Variants in ASTN1 observed in about 807,000 individuals in gnomAD.
ASTN1 encodes the protein astrotactin-1.
ASTN1 carries 41 observed loss-of-function variants against 140.7 expected under a neutral mutation model. That is an observed-to-expected ratio of 0.29 (90% confidence interval 0.23 to 0.38). The LOEUF (loss-of-function observed/expected upper bound fraction) is 0.38. Ranked by LOEUF, ASTN1 falls within the 10% of genes least tolerant of loss-of-function variation. The probability of loss-of-function intolerance (pLI) is 1.00; values close to 1 mark genes in which losing one functional copy is unlikely to be tolerated. For missense variants in ASTN1, 1,479 were observed against 1,678.8 expected (o/e 0.88, Z 2.08); for synonymous variants, 640 against 652.2 (o/e 0.98, Z 0.29).
At chr1:176,895,157 A>C (rs1364349011) in intron 16 of ASTN1, among the ~76,000 whole-genome samples, 1 of 152,224 alleles carries the variant, frequency 6.6e-6, no homozygotes, top group Non-Finnish European at 1.5e-5. Flanking sequence ...CTATGACTCA[A>C]TTTCTTCATC....
intron 8 of ASTN1, among the ~76,000 whole-genome samples, chr1:176,975,259 G>A (rs1463525922): frequency 6.6e-6 from 1 of 152,202 alleles, no homozygotes; most frequent in Non-Finnish European, 1.5e-5. Context: ...CAGCTACTTA[G>A]AGAACTCTAC....
rs201593312 is a variant in ASTN1 at position 176,884,386 on chromosome 1, C to T, written c.3179G>A (p.Arg1060His). The change falls in exon 19 of 23, where the codon CGT becomes CAT. Residue 1060 changes from arginine (R) to histidine (H), a missense_variant. By Grantham distance (29) the Arg-to-His change is conservative. Transcript: ENST00000361833. ...CATCCTGTCAGTGACTTTCTCTTGA[C>T]GGAGGAGGTAATCTACAATCTGCAC... ...IGVQIVDYLLRQEKVTDRMDH... is the reference protein window; with the variant it reads ...IGVQIVDYLLHQEKVTDRMDH... 3.6e-5 allele frequency: 58 copies of T among 1,614,064 alleles called. No individual in the cohort carries two copies. The highest frequency in any genetic ancestry group is 1.6e-4 in the Middle Eastern group (1 of 6,084).
At chr1:176,929,407 G>A (rs1024843136) in intron 16 of ASTN1, among the ~76,000 whole-genome samples, 13 of 152,166 alleles carry the variant, frequency 8.5e-5, no homozygotes, top group African/African-American at 1.9e-4. Context: ...GGAAGAGGCC[G>A]CTTGCTAAGG....
intron 19 of ASTN1, 68 bp downstream of exon 19, chr1:176,884,271 G>A: frequency 1.3e-6 from 2 of 1,548,658 alleles, no homozygotes; most frequent in Non-Finnish European, 8.8e-7. Context: ...CATGAGGCAG[G>A]GCATTTTTCT....
intron 2 of ASTN1, among the ~76,000 whole-genome samples, chr1:177,052,839 C>A (rs1284870132): frequency 6.6e-6 from 1 of 152,148 alleles, no homozygotes; most frequent in Admixed American, 6.5e-5. Flanking sequence ...GAGAAACTGT[C>A]CAACTCTAAT....
rs146987881 is a variant in ASTN1 at position 176,983,134 on chromosome 1, A to G, written c.1524-17897T>C. Among the ~76,000 whole-genome samples, 845 of 152,256 alleles carry G rather than the reference A, an allele frequency of 5.5e-3. 2 individuals are homozygous for G. Among genetic ancestry groups the G allele is most frequent in the Non-Finnish European group, 8.1e-3 (551 of 68,014 alleles). On this transcript the variant is annotated intron_variant, in intron 8 of 22. Transcript: ENST00000361833. ...AGTCCAGGAAGGGGAGAGCTGAAGA[A>G]TGTGTGAGAACATGGTTTGTTTGGA...
chr1:177,136,511 G>A (rs766677329), intron 1 of ASTN1, among the ~76,000 whole-genome samples: 15 of 151,884 alleles, frequency 9.9e-5, no homozygotes, highest in African/African-American at 1.4e-4. Context: ...CCCCACAACC[G>A]CCCAGTTAAT....
chr1:176,911,191 G>A (rs949573620), intron 16 of ASTN1, among the ~76,000 whole-genome samples: 1 of 152,164 alleles, frequency 6.6e-6, no homozygotes, highest in Non-Finnish European at 1.5e-5. Flanking sequence ...CACCTGTAAA[G>A]GGCACTTACC....
chr1:176,946,805 A>G (rs1671978288), intron 12 of ASTN1, among the ~76,000 whole-genome samples: 1 of 152,220 alleles, frequency 6.6e-6, no homozygotes, highest in Admixed American at 6.5e-5. Flanking sequence ...TAGGATGGAA[A>G]AGCAACATCA....
At chr1:177,106,365 A>G (rs1680544050) in intron 1 of ASTN1, among the ~76,000 whole-genome samples, 1 of 152,276 alleles carries the variant, frequency 6.6e-6, no homozygotes, top group Non-Finnish European at 1.5e-5. Context: ...TAGCCTATGA[A>G]TGCAATGTCC....
At position 176,868,899 on chromosome 1, in the gene ASTN1, G is replaced by A; in HGVS notation, c.3592C>T (p.His1198Tyr). 6.2e-7 allele frequency: 1 copy of A among 1,610,994 alleles called. No homozygotes were observed. Among genetic ancestry groups the A allele is most frequent in the Non-Finnish European group, 8.5e-7 (1 of 1,178,002 alleles). ...GTGAATTCCCCAAAACTCTCATAGT[G>A]CTGGTTATAGTGGTAGAGGACCCGG... ...LHRVLYHYNQ[H>Y]YESFGEFTWR... The change falls in exon 22 of 23, where the codon CAC (histidine) becomes TAC (tyrosine). Residue 1198 changes from histidine (H) to tyrosine (Y), a missense_variant. Around this residue, in one of 3 missense-constraint regions of ASTN1, gnomAD observed 746 missense variants for 800.9 expected, o/e 0.93. Coordinates refer to ENST00000361833, the MANE Select transcript of ASTN1 (RefSeq NM_004319.3).
intron 8 of ASTN1, 123 bp downstream of exon 8, chr1:177,014,668 A>G: frequency 1.3e-6 from 1 of 786,724 alleles, no homozygotes; most frequent in Non-Finnish European, 2.1e-6. Flanking sequence ...ATTTTTACCC[A>G]TTTGCTGTTC....
chr1:177,027,713 AGTGTGTGT>A (rs56405518), intron 5 of ASTN1, among the ~76,000 whole-genome samples: 1,406 of 118,648 alleles, frequency 0.012, 22 homozygotes, highest in African/African-American at 0.039. Context: ...AACCCAGTAC[AGTGTGTGT>A]GTGTGTGTGT....
chr1:177,028,058 C>T (rs1032201730), intron 5 of ASTN1, among the ~76,000 whole-genome samples: 4 of 152,092 alleles, frequency 2.6e-5, no homozygotes, highest in Non-Finnish European at 5.9e-5. Context: ...TCACTAGGCA[C>T]TTTGGAAAAA....
At chr1:177,154,837 T>A (rs911809458) in intron 1 of ASTN1, among the ~76,000 whole-genome samples, 1 of 151,970 alleles carries the variant, frequency 6.6e-6, no homozygotes, top group African/African-American at 2.4e-5. Context: ...ATGCTGTGAA[T>A]TGAGGAATAT....
intron 1 of ASTN1, among the ~76,000 whole-genome samples, chr1:177,092,647 T>C (rs1032059104): frequency 1.3e-5 from 2 of 152,184 alleles, no homozygotes; most frequent in African/African-American, 4.8e-5. Context: ...TACATTTAGG[T>C]GTTTGATCCA....
rs149520855 is a variant in ASTN1, at chr1:176,867,953, T to C, written c.3647+891A>G. 1.1e-3 allele frequency among the ~76,000 whole-genome samples: 171 copies of C among 152,128 alleles called. 1 individual carries two copies. Among genetic ancestry groups the C allele is most frequent in the East Asian group, 0.011 (57 of 5,172 alleles). On this transcript the variant is annotated intron_variant, in intron 22 of 22. Transcript: ENST00000361833. Reference sequence around the variant, plus strand: ...TTCCTTCCTTCCTTCCTTGTTTGCTTCCTTCTTTCCTTCCTTCCTTTTAAA... The same window carrying C: ...TTCCTTCCTTCCTTCCTTGTTTGCTCCCTTCTTTCCTTCCTTCCTTTTAAA...
At chr1:176,957,428 A>G (rs1488172019) in intron 11 of ASTN1, among the ~76,000 whole-genome samples, 1 of 152,148 alleles carries the variant, frequency 6.6e-6, no homozygotes, top group East Asian at 1.9e-4. Flanking sequence ...GCAATTATTT[A>G]GTTCTTATCA....
At chr1:176,912,316 G>C (rs1216274902) in intron 16 of ASTN1, among the ~76,000 whole-genome samples, 1 of 152,186 alleles carries the variant, frequency 6.6e-6, no homozygotes, top group Non-Finnish European at 1.5e-5. Flanking sequence ...TGGGTATTAT[G>C]TAAACAAATG....
Sources: allele counts gnomAD v4.1 joint callset (sites outside exome capture counted in the v4.1 genomes callset), GRCh38; gene constraint gnomAD v4.1.1; regional missense constraint gnomAD v4.1.1; transcripts MANE v1.5; gene names NCBI Gene and HGNC (gene_info 2026-07-23, HGNC 2026-07-21).